GALNT7: variants seen among roughly 807,000 people sequenced by gnomAD.
GALNT7 encodes polypeptide N-acetylgalactosaminyltransferase 7.
A neutral mutation model predicts 82.1 loss-of-function variants in GALNT7; 60 were observed. That is an observed-to-expected ratio of 0.73 (90% CI 0.59 to 0.91). The LOEUF (loss-of-function observed/expected upper bound fraction) is 0.91, where lower values mean the gene tolerates loss of function less well. Ranked by LOEUF, GALNT7 falls within the 40% of genes least tolerant of loss-of-function variation. The pLI, the probability that GALNT7 is intolerant of heterozygous loss-of-function variation, is 0.00. For missense variants in GALNT7, 660 were observed against 804.2 expected (o/e 0.82, Z 2.17); for synonymous variants, 243 against 275.1 (o/e 0.88, Z 1.15).
intron 2 of GALNT7, among the ~76,000 whole-genome samples, chr4:173,254,592 A>G (rs1011273236): frequency 1.3e-5 from 2 of 152,244 alleles, no homozygotes; most frequent in Admixed American, 6.5e-5. Flanking sequence ...ACATACACAT[A>G]CATATATGAA....
chr4:173,250,537 T>C (rs193076772), intron 2 of GALNT7, among the ~76,000 whole-genome samples: 2 of 152,158 alleles, frequency 1.3e-5, no homozygotes, highest in Non-Finnish European at 2.9e-5. Context: ...TTCTTTCCTC[T>C]CCTCTACCTC....
intron 2 of GALNT7, among the ~76,000 whole-genome samples, chr4:173,270,433 T>C (rs1172262793): frequency 6.6e-6 from 1 of 152,212 alleles, no homozygotes; most frequent in African/African-American, 2.4e-5. Flanking sequence ...ATGTTCTGCA[T>C]TCCAATACCT....
intron 1 of GALNT7, among the ~76,000 whole-genome samples, chr4:173,182,817 T>TACACACACACACAC (rs66792322): frequency 4.9e-4 from 66 of 134,914 alleles, no homozygotes; most frequent in African/African-American, 1.8e-3. Flanking sequence ...TTACTCATAA[T>TACACACACACACAC]ACACACACAC....
chr4:173,207,623 C>T (rs1046760570), intron 1 of GALNT7, among the ~76,000 whole-genome samples: 9 of 152,244 alleles, frequency 5.9e-5, no homozygotes, highest in Admixed American at 1.3e-4. Context: ...TCTTTGTGCA[C>T]CTTCTTAAAT....
At chr4:173,299,603 T>C (rs962167891) in intron 6 of GALNT7, among the ~76,000 whole-genome samples, 8 of 152,148 alleles carry the variant, frequency 5.3e-5, no homozygotes, top group African/African-American at 1.7e-4. Context: ...TCCCAGCACT[T>C]TGGGAGGCCG....
chr4:173,191,076 T>A lies in GALNT7; in HGVS notation c.126+22115T>A, dbSNP rs551127582. ...TATTGGAGGACTGAAAAAAAAAAAATGGAAATATTAAGGAAACACACAGAT... is the reference window on the plus strand; with the variant it reads ...TATTGGAGGACTGAAAAAAAAAAAAAGGAAATATTAAGGAAACACACAGAT... On this transcript the variant is annotated intron_variant, in intron 1 of 11. Transcript: ENST00000265000. Among the ~76,000 whole-genome samples, 244 of 144,474 alleles carry A rather than the reference T, an allele frequency of 1.7e-3. 1 individual carries two copies. The highest frequency in any genetic ancestry group is 0.011 in the Middle Eastern group (3 of 280). 94.8% of individuals were successfully genotyped at this position (144,474 alleles called of 152,430 possible). A position where few individuals can be genotyped will look rare whatever the true frequency, so the allele number is the denominator to read the frequency against.
At chr4:173,176,086 T>A (rs1732031742) in intron 1 of GALNT7, among the ~76,000 whole-genome samples, 1 of 151,342 alleles carries the variant, frequency 6.6e-6, no homozygotes, top group Non-Finnish European at 1.5e-5. Flanking sequence ...AAAAAAAAAT[T>A]AAAAACAAAA....
chr4:173,320,366 A>C lies in GALNT7; in HGVS notation c.1837-1214A>C, dbSNP rs1737764632. The stretch of plus-strand genomic sequence containing the variant: ...ATATATTAATTCATCTAAAAGTAAT[A>C]ATAATATACTTATTAAACATTAATG... On this transcript the variant is annotated intron_variant, in intron 11 of 11. Transcript: ENST00000265000. The surrounding 1 kb of genome is among the most constrained non-coding windows in gnomAD (Gnocchi z 4.1). Among the ~76,000 whole-genome samples, 1 of 152,150 alleles carries C rather than the reference A, an allele frequency of 6.6e-6. No homozygotes were observed. Among genetic ancestry groups the C allele is most frequent in the Non-Finnish European group, 1.5e-5 (1 of 68,006 alleles).
chr4:173,308,876 C>A (rs917803628), intron 8 of GALNT7, among the ~76,000 whole-genome samples: 1 of 152,190 alleles, frequency 6.6e-6, no homozygotes, highest in East Asian at 1.9e-4. Flanking sequence ...GCACTCCAGC[C>A]TGGGCAACAG....
chr4:173,277,073 C>T (rs1280969772), intron 2 of GALNT7, among the ~76,000 whole-genome samples: 1 of 152,084 alleles, frequency 6.6e-6, no homozygotes, highest in Non-Finnish European at 1.5e-5. Flanking sequence ...TAGTGAAAAG[C>T]TCTCAGTTTA....
At chr4:173,268,442 A>G (rs1735587014) in intron 2 of GALNT7, among the ~76,000 whole-genome samples, 2 of 151,758 alleles carry the variant, frequency 1.3e-5, no homozygotes, top group Admixed American at 1.3e-4. Context: ...AGGCTGTTTT[A>G]AACAGCAAAA....
chr4:173,266,428 C>T (rs1009838538), intron 2 of GALNT7, among the ~76,000 whole-genome samples: 1 of 152,166 alleles, frequency 6.6e-6, no homozygotes, highest in Non-Finnish European at 1.5e-5. Context: ...GAATCCAGGT[C>T]TTCTAGGACC....
chr4:173,238,513 T>A (rs950142340), intron 1 of GALNT7, among the ~76,000 whole-genome samples: 4 of 152,164 alleles, frequency 2.6e-5, no homozygotes, highest in Non-Finnish European at 5.9e-5. Flanking sequence ...ATGCCTTGTG[T>A]TTATAGGCCT....
At chr4:173,298,761 T>G (rs940945565) in intron 6 of GALNT7, among the ~76,000 whole-genome samples, 3 of 152,194 alleles carry the variant, frequency 2.0e-5, no homozygotes, top group African/African-American at 7.2e-5. Flanking sequence ...ATTTCTGGGT[T>G]TTTCTCCCCT....
At chr4:173,275,687 C>G (rs192468866) in intron 2 of GALNT7, among the ~76,000 whole-genome samples, 1 of 152,172 alleles carries the variant, frequency 6.6e-6, no homozygotes, top group African/African-American at 2.4e-5. Context: ...GGTCCACTTT[C>G]CTCCAAACCC....
intron 1 of GALNT7, among the ~76,000 whole-genome samples, chr4:173,207,143 T>C (rs1337178256): frequency 1.3e-5 from 2 of 152,208 alleles, no homozygotes; most frequent in East Asian, 3.8e-4. Context: ...TTCATAGCTG[T>C]CTAATTTATA....
At chr4:173,183,207 A>G (rs1732325852) in intron 1 of GALNT7, among the ~76,000 whole-genome samples, 1 of 152,132 alleles carries the variant, frequency 6.6e-6, no homozygotes. Context: ...ATTAGAGATA[A>G]TGGAACTTAA....
chr4:173,260,359 T>C (rs955568314), intron 2 of GALNT7, among the ~76,000 whole-genome samples: 10 of 152,254 alleles, frequency 6.6e-5, no homozygotes, highest in African/African-American at 9.6e-5. Flanking sequence ...CAGGCTGTTT[T>C]AAGGCAGTAT....
In GALNT7 at chr4:173,229,518, G is replaced by C. The variant is rs773909186; in HGVS notation, c.127-18462G>C. ...ATGGATGCCTCCCTCGACCTAGAGAGAGTATAATAGTTAAGAACATGGAAT... is the reference window on the plus strand; with the variant it reads ...ATGGATGCCTCCCTCGACCTAGAGACAGTATAATAGTTAAGAACATGGAAT... On this transcript the variant is annotated intron_variant, in intron 1 of 11. Coordinates refer to ENST00000265000, the MANE Select transcript of GALNT7 (RefSeq NM_017423.3). Among the ~76,000 whole-genome samples the C allele has an allele frequency of 6.6e-5, 10 of 152,308 alleles. No individual in the cohort carries two copies. In the South Asian group the frequency reaches 1.5e-3, roughly 22 times the overall value.
Sources: gnomAD v4.1 joint callset for allele counts (sites outside exome capture counted in the v4.1 genomes callset) on GRCh38, gnomAD v4.1.1 for gene constraint, Gnocchi (gnomAD v3.1) non-coding constraint, MANE v1.5 for transcripts, NCBI Gene and HGNC (gene_info 2026-07-23, HGNC 2026-07-21) for gene names.